ADARB2: variants seen among roughly 807,000 people sequenced by gnomAD.
The protein encoded by ADARB2 is adenosine deaminase RNA specific B2 (inactive).
In ADARB2, 25 loss-of-function variants were observed where a neutral mutation model predicts 62.2. The ratio of observed to expected loss-of-function variants is 0.40; its 90% CI spans 0.29 to 0.56. The LOEUF (loss-of-function observed/expected upper bound fraction) is 0.56. ADARB2 is among the 20% of genes least tolerant of loss of function. The pLI is 0.43. For synonymous variants in ADARB2, 572 were observed against 500.8 expected (o/e 1.14, Z -1.90); for missense variants, 1,071 against 1,077.4 (o/e 0.99, Z 0.08).
intron 8 of ADARB2, among the ~76,000 whole-genome samples, chr10:1,195,826 G>A (rs1280357575): frequency 6.6e-6 from 1 of 152,106 alleles, no homozygotes; most frequent in Non-Finnish European, 1.5e-5. Flanking sequence ...GATGGTGGGG[G>A]CCAGTTGGCT....
At chr10:1,694,294 C>A (rs1564369404) in intron 1 of ADARB2, among the ~76,000 whole-genome samples, 1 of 152,194 alleles carries the variant, frequency 6.6e-6, no homozygotes, top group Non-Finnish European at 1.5e-5. Flanking sequence ...CTTAAAATAG[C>A]AAATTGTTTC....
intron 3 of ADARB2, among the ~76,000 whole-genome samples, chr10:1,327,049 TCCCCACTGCCCAGCGCCTCCC>T (rs1831863637): frequency 1.5e-5 from 1 of 64,860 alleles, no homozygotes; most frequent in African/African-American, 6.4e-5. Context: ...GCCCAGCGCC[TCCCCACTGCCCAGCGCCTCCC>T]CACTGCACAG....
chr10:1,551,280 G>A (rs1832618093), intron 1 of ADARB2, among the ~76,000 whole-genome samples: 2 of 152,204 alleles, frequency 1.3e-5, no homozygotes, highest in African/African-American at 2.4e-5. Context: ...CTGTGACAAC[G>A]TGAATGTCTA....
chr10:1,723,957 C>G (rs1035710445), intron 1 of ADARB2, among the ~76,000 whole-genome samples: 4 of 152,186 alleles, frequency 2.6e-5, no homozygotes, highest in Non-Finnish European at 4.4e-5. Flanking sequence ...GAAAAGGGCA[C>G]TGATACCCTA....
At chr10:1,711,966 G>A (rs972760243) in intron 1 of ADARB2, among the ~76,000 whole-genome samples, 1 of 152,070 alleles carries the variant, frequency 6.6e-6, no homozygotes, top group African/African-American at 2.4e-5. Context: ...AAATTCTCTG[G>A]GTAGCTTATT....
chr10:1,615,697 A>G (rs747150587), intron 1 of ADARB2, among the ~76,000 whole-genome samples: 1 of 152,190 alleles, frequency 6.6e-6, no homozygotes. Context: ...GTTTTCCTCT[A>G]CTGGAGAAGA....
At chr10:1,232,737 AT>A (rs1247205048) in intron 6 of ADARB2, among the ~76,000 whole-genome samples, 12 of 50,470 alleles carry the variant, frequency 2.4e-4, no homozygotes, top group East Asian at 0.02. Flanking sequence ...TGTATGTGAC[AT>A]GAGTAGTGTA....
intron 1 of ADARB2, among the ~76,000 whole-genome samples, chr10:1,466,369 T>TAGGGAA (rs1831254983): frequency 6.6e-6 from 1 of 152,164 alleles, no homozygotes; most frequent in African/African-American, 2.4e-5. Context: ...CCTTGCATGT[T>TAGGGAA]AGGGAAATTT....
chr10:1,402,262 G>C (rs1000546116), intron 1 of ADARB2, among the ~76,000 whole-genome samples: 4 of 152,186 alleles, frequency 2.6e-5, no homozygotes, highest in African/African-American at 7.2e-5. Flanking sequence ...TTACGCGTGC[G>C]CGCGCCGGTC....
intron 1 of ADARB2, among the ~76,000 whole-genome samples, chr10:1,414,854 A>G (rs1482633977): frequency 6.6e-6 from 1 of 152,192 alleles, no homozygotes; most frequent in Non-Finnish European, 1.5e-5. Flanking sequence ...GGCTAGGTGG[A>G]TGATGGGGGC....
chr10:1,536,563 C>T (rs144403514), intron 1 of ADARB2, among the ~76,000 whole-genome samples: 248 of 152,310 alleles, frequency 1.6e-3, no homozygotes, highest in African/African-American at 5.7e-3. Context: ...TGGCACCGGA[C>T]GGTGGCCGCC....
intron 6 of ADARB2, among the ~76,000 whole-genome samples, chr10:1,221,529 T>C (rs1308183453): frequency 1.3e-5 from 2 of 151,984 alleles, no homozygotes; most frequent in African/African-American, 2.4e-5. Context: ...AACTCATCAT[T>C]TAGCATTAGG....
At chr10:1,316,454 G>A (rs1355270822) in intron 3 of ADARB2, among the ~76,000 whole-genome samples, 2 of 152,204 alleles carry the variant, frequency 1.3e-5, no homozygotes, top group East Asian at 1.9e-4. Flanking sequence ...TGGCAGTGTC[G>A]GCCACGGTGC....
rs183809961 is a variant in ADARB2, at chr10:1,616,434, A to T, written c.100+120617T>A. ...CTGGGAACTGGCCTCAGAGGGTTGC[A>T]TTCTGTCGCTAGATGTTTGTGTGCC... On this transcript the variant is annotated intron_variant, in intron 1 of 9. Transcript: ENST00000381312. Among the ~76,000 whole-genome samples the T allele has an allele frequency of 1.2e-3, 176 of 151,480 alleles. 3 individuals are homozygous for T. The highest frequency in any genetic ancestry group is 2.7e-4 in the Non-Finnish European group (18 of 67,894).
At position 1,599,454 on chromosome 10, in the gene ADARB2, A is replaced by G. The variant is rs1588317870; in HGVS notation, c.100+137597T>C. On this transcript the variant is annotated intron_variant, in intron 1 of 9. Transcript: ENST00000381312. ...TACTGCCACTGTCATCACTATCATC[A>G]TTTCCACGACCATCTCACATTATGA... is the stretch of plus-strand genomic sequence containing the variant. 2.0e-5 allele frequency among the ~76,000 whole-genome samples: 3 copies of G among 152,182 alleles called. No individual in the cohort carries two copies. In the South Asian group the frequency reaches 6.2e-4, roughly 31 times the overall value.
At chr10:1,632,854 G>T (rs1394939224) in intron 1 of ADARB2, among the ~76,000 whole-genome samples, 1 of 152,244 alleles carries the variant, frequency 6.6e-6, no homozygotes, top group East Asian at 1.9e-4. Context: ...TGCCCAGGGG[G>T]CTGGTCAACT....
intron 1 of ADARB2, among the ~76,000 whole-genome samples, chr10:1,480,300 T>G (rs1361689710): frequency 1.3e-5 from 2 of 152,240 alleles, no homozygotes; most frequent in Non-Finnish European, 2.9e-5. Flanking sequence ...AAAAGCATTG[T>G]TAGAACTAAT....
intron 1 of ADARB2, among the ~76,000 whole-genome samples, chr10:1,526,165 C>T (rs1160733481): frequency 6.6e-6 from 1 of 151,434 alleles, no homozygotes; most frequent in South Asian, 2.1e-4. Flanking sequence ...GCGGCTGCTC[C>T]TGGGATTTGG....
At chr10:1,294,546 A>C (rs1831507436) in intron 3 of ADARB2, among the ~76,000 whole-genome samples, 1 of 152,124 alleles carries the variant, frequency 6.6e-6, no homozygotes, top group Non-Finnish European at 1.5e-5. Context: ...TTTGACTGAT[A>C]ACCAAGCAGA....
Sources: allele counts gnomAD v4.1 joint callset (sites outside exome capture counted in the v4.1 genomes callset), GRCh38; gene constraint gnomAD v4.1.1; transcripts MANE v1.5; gene names NCBI Gene and HGNC (gene_info 2026-07-23, HGNC 2026-07-21).